The following CDH13 variants were observed in gnomAD, a reference collection of about 807,000 sequenced individuals.
CDH13 encodes the protein cadherin 13, also known as cadherin-13.
In CDH13, 24 loss-of-function variants were observed where a neutral mutation model predicts 63.8. That is an observed-to-expected ratio of 0.38 (90% CI 0.27 to 0.53). The LOEUF (loss-of-function observed/expected upper bound fraction) is 0.53, where lower values mean the gene tolerates loss of function less well. Ranked by LOEUF, CDH13 falls within the 20% of genes least tolerant of loss-of-function variation. The pLI is 0.85. For synonymous variants in CDH13, 503 were observed against 355.3 expected (o/e 1.42, Z -4.67); for missense variants, 1,049 against 903.1 (o/e 1.16, Z -2.07).
chr16:83,700,155 G>C (rs1158289020), intron 10 of CDH13, among the ~76,000 whole-genome samples: 3 of 152,116 alleles, frequency 2.0e-5, no homozygotes, highest in African/African-American at 7.2e-5. Context: ...ACATTTTGTA[G>C]AGCTTCATAT....
At chr16:83,295,640 G>A (rs1018062401) in intron 5 of CDH13, among the ~76,000 whole-genome samples, 16 of 152,130 alleles carry the variant, frequency 1.1e-4, no homozygotes, top group African/African-American at 3.4e-4. Flanking sequence ...CCTCATACCT[G>A]TTAATATGGC....
At chr16:83,339,227 A>G (rs1012749686) in intron 5 of CDH13, among the ~76,000 whole-genome samples, 35 of 152,194 alleles carry the variant, frequency 2.3e-4, no homozygotes, top group African/African-American at 8.0e-4. Flanking sequence ...AGAATGACTC[A>G]TGAGTTTCTC....
chr16:83,347,335 G>T (rs1425375507), intron 6 of CDH13, among the ~76,000 whole-genome samples: 1 of 122,824 alleles, frequency 8.1e-6, no homozygotes, highest in Non-Finnish European at 1.7e-5. Context: ...CCCACTGGGA[G>T]TAAGGGTGGG....
At chr16:82,714,299 G>T (rs573267262) in intron 1 of CDH13, among the ~76,000 whole-genome samples, 1 of 152,286 alleles carries the variant, frequency 6.6e-6, no homozygotes, top group African/African-American at 2.4e-5. Flanking sequence ...ATATGTTGAA[G>T]TCCAAATCCC....
At chr16:82,978,004 A>G (rs570922696) in intron 2 of CDH13, among the ~76,000 whole-genome samples, 7 of 152,260 alleles carry the variant, frequency 4.6e-5, no homozygotes, top group South Asian at 2.1e-4. Context: ...AACTTGTTGG[A>G]AACTGGAGCA....
chr16:82,749,665 T>C (rs2034330335), intron 1 of CDH13, among the ~76,000 whole-genome samples: 1 of 152,220 alleles, frequency 6.6e-6, no homozygotes, highest in Non-Finnish European at 1.5e-5. Context: ...TTGCATTATG[T>C]ATATATTTTC....
intron 5 of CDH13, among the ~76,000 whole-genome samples, chr16:83,280,104 A>G (rs1380647102): frequency 1.3e-5 from 2 of 152,218 alleles, no homozygotes; most frequent in Non-Finnish European, 2.9e-5. Context: ...AAATAAGACA[A>G]CAATGAAGTT....
At chr16:83,286,086 G>T (rs1285331599) in intron 5 of CDH13, among the ~76,000 whole-genome samples, 1 of 152,082 alleles carries the variant, frequency 6.6e-6, no homozygotes, top group Admixed American at 6.5e-5. Context: ...CCTCCTCCTT[G>T]TCTGGCAAGT....
intron 1 of CDH13, among the ~76,000 whole-genome samples, chr16:82,647,220 T>G (rs1451740363): frequency 6.6e-6 from 1 of 152,174 alleles, no homozygotes; most frequent in Non-Finnish European, 1.5e-5. Context: ...CAGAGAACCT[T>G]GTAAACACTT....
At chr16:83,186,002 T>C (rs1367955045) in intron 4 of CDH13, among the ~76,000 whole-genome samples, 2 of 152,208 alleles carry the variant, frequency 1.3e-5, no homozygotes, top group East Asian at 3.8e-4. Flanking sequence ...TTAGAGGAGA[T>C]ATTTTCCTGA....
chr16:82,840,675 A>T (rs1471046469), intron 1 of CDH13, among the ~76,000 whole-genome samples: 2 of 138,872 alleles, frequency 1.4e-5, no homozygotes, highest in Admixed American at 1.5e-4. Flanking sequence ...ATGGAGTGAG[A>T]ATCCATCTCA....
At chr16:83,570,141 G>C (rs754907247) in intron 7 of CDH13, among the ~76,000 whole-genome samples, 2 of 152,126 alleles carry the variant, frequency 1.3e-5, no homozygotes, top group Non-Finnish European at 2.9e-5. Context: ...AAGCTCTATT[G>C]TTGGCCAGAA....
chr16:83,520,415 T>G (rs757483895), intron 7 of CDH13, among the ~76,000 whole-genome samples: 9 of 152,144 alleles, frequency 5.9e-5, no homozygotes, highest in Non-Finnish European at 1.3e-4. Context: ...ACTGGGAATG[T>G]TCTCTCAGTC....
At chr16:83,019,020 G>T (rs950208413) in intron 2 of CDH13, among the ~76,000 whole-genome samples, 1 of 152,180 alleles carries the variant, frequency 6.6e-6, no homozygotes, top group Non-Finnish European at 1.5e-5. Context: ...CAGGACTATA[G>T]ACTTTATAAA....
intron 2 of CDH13, among the ~76,000 whole-genome samples, chr16:82,939,870 C>T (rs1006252717): frequency 2.0e-5 from 3 of 152,192 alleles, no homozygotes; most frequent in East Asian, 1.9e-4. Context: ...CACGTTTTCA[C>T]GCTGCTGATA....
At chr16:83,039,442 C>A (rs576802684) in intron 3 of CDH13, among the ~76,000 whole-genome samples, 1 of 152,306 alleles carries the variant, frequency 6.6e-6, no homozygotes, top group Non-Finnish European at 1.5e-5. Context: ...GTCCCCATCC[C>A]AAGAAAGGAT....
chr16:82,735,779 G>T (rs554804732), intron 1 of CDH13, among the ~76,000 whole-genome samples: 35 of 152,270 alleles, frequency 2.3e-4, no homozygotes, highest in Admixed American at 7.2e-4. Flanking sequence ...GAACAGCAGC[G>T]TTCTGCCAAA....
intron 6 of CDH13, among the ~76,000 whole-genome samples, chr16:83,465,057 G>C (rs150679474): frequency 6.6e-6 from 1 of 152,164 alleles, no homozygotes; most frequent in Admixed American, 6.5e-5. Flanking sequence ...TTTTCCACAA[G>C]CATTTGGGTG....
intron 5 of CDH13, among the ~76,000 whole-genome samples, chr16:83,301,089 T>C (rs560518476): frequency 1.3e-4 from 17 of 129,850 alleles, no homozygotes; most frequent in Non-Finnish European, 1.6e-5. Context: ...TGGAGTGCAG[T>C]GGCACGATCT....
Sources: allele counts gnomAD v4.1 joint callset (sites outside exome capture counted in the v4.1 genomes callset), GRCh38; gene constraint gnomAD v4.1.1; transcripts MANE v1.5; gene names NCBI Gene and HGNC (gene_info 2026-07-23, HGNC 2026-07-21).